The following METTL8 variants were observed in gnomAD, a reference collection of about 807,000 sequenced individuals.
METTL8 encodes the protein tRNA N(3)-cytidine methyltransferase METTL8, mitochondrial.
A neutral mutation model predicts 48.7 loss-of-function variants in METTL8; 32 were observed. The ratio of observed to expected loss-of-function variants is 0.66; its 90% CI spans 0.50 to 0.88. The LOEUF (loss-of-function observed/expected upper bound fraction) is 0.88, where lower values mean the gene tolerates loss of function less well. METTL8 is among the 40% of genes least tolerant of loss of function. The pLI, the probability that METTL8 is intolerant of heterozygous loss-of-function variation, is 0.00. For synonymous variants in METTL8, 136 were observed against 157.1 expected (o/e 0.87, Z 1.01); for missense variants, 464 against 474.4 (o/e 0.98, Z 0.20).
At chr2:171,366,424 C>T (rs1223656669) in intron 2 of METTL8, among the ~76,000 whole-genome samples, 11 of 152,132 alleles carry the variant, frequency 7.2e-5, no homozygotes, top group Admixed American at 7.2e-4. Flanking sequence ...AACTCGACAT[C>T]TTTAAAGGAA....
intron 3 of METTL8, among the ~76,000 whole-genome samples, chr2:171,340,495 T>A: frequency 9.2e-6 from 1 of 108,234 alleles, no homozygotes. Context: ...GAGTGAGTTG[T>A]CTCAAAAAAA....
chr2:171,388,154 A>G (rs1688254190), intron 2 of METTL8, among the ~76,000 whole-genome samples: 1 of 152,174 alleles, frequency 6.6e-6, no homozygotes, highest in Admixed American at 6.5e-5. Context: ...TTCAGAGTCA[A>G]CTTCTTCCTT....
intron 1 of METTL8, among the ~76,000 whole-genome samples, chr2:171,425,472 C>T (rs923836817): frequency 6.6e-6 from 1 of 152,138 alleles, no homozygotes; most frequent in Admixed American, 6.5e-5. Context: ...AGACATTCTC[C>T]TATTTGCTTT....
chr2:171,434,347 G>A (rs1397609075), upstream of METTL8: 11 of 754,870 alleles, frequency 1.5e-5, no homozygotes, highest in Non-Finnish European at 2.5e-5. Flanking sequence ...GGGGCAGATC[G>A]AAAAGGGAGT....
chr2:171,368,134 C>G (rs1685910669), intron 2 of METTL8, among the ~76,000 whole-genome samples: 1 of 152,140 alleles, frequency 6.6e-6, no homozygotes, highest in Non-Finnish European at 1.5e-5. Context: ...AAAAAATTTT[C>G]AATTTTGCTG....
chr2:171,316,353 G>T lies in METTL8; in HGVS notation c.*7819C>A, dbSNP rs1207423690. Among the ~76,000 whole-genome samples, 1 of 152,176 alleles carries T rather than the reference G, an allele frequency of 6.6e-6. No individual in the cohort carries two copies. The highest frequency in any genetic ancestry group is 1.5e-5 in the Non-Finnish European group (1 of 68,042). The stretch of plus-strand genomic sequence containing the variant: ...GGAAATGAGCAGCAGTGCTGAATGG[G>T]GAAGCCTGGATCCATGGTTTTTTCC... On this transcript the variant is annotated 3_prime_UTR_variant, in exon 10 of 10. Transcript: ENST00000375258.
rs1032404231 is a variant in METTL8 at position 171,387,843 on chromosome 2, G to A, written c.143+4200C>T. On this transcript the variant is annotated intron_variant, in intron 2 of 9. Transcript: ENST00000375258. ...TCCCTTTCAAAATTGAGATTCGGTT[G>A]CAATAAAAACATAAAAAGCCCATGA... 2.0e-5 allele frequency among the ~76,000 whole-genome samples: 3 copies of A among 152,060 alleles called. No individual in the cohort carries two copies. The East Asian group carries it at 5.8e-4, about 29-fold the overall frequency.
chr2:171,382,482 C>G (rs1687648217), intron 2 of METTL8, among the ~76,000 whole-genome samples: 1 of 152,144 alleles, frequency 6.6e-6, no homozygotes, highest in Admixed American at 6.5e-5. Context: ...CATGTTCTCA[C>G]TCATAAGTAG....
At chr2:171,346,276 C>T (rs1016655588) in intron 3 of METTL8, among the ~76,000 whole-genome samples, 2 of 152,208 alleles carry the variant, frequency 1.3e-5, no homozygotes, top group Non-Finnish European at 2.9e-5. Flanking sequence ...ATCCTTCCAC[C>T]TTGGCCTCCC....
chr2:171,351,991 A>G (rs1466747419), intron 3 of METTL8, among the ~76,000 whole-genome samples: 1 of 152,154 alleles, frequency 6.6e-6, no homozygotes, highest in East Asian at 1.9e-4. Context: ...AACTTCCAAC[A>G]CTATGTTGAG....
In METTL8 at chr2:171,331,826, G is replaced by A. The variant is rs1685566229; in HGVS notation, c.698C>T (p.Ser233Phe). The change falls in exon 6 of 10, where the codon TCT becomes TTT. Residue 233 changes from serine to phenylalanine, a missense_variant. Ser to Phe is a radical substitution (Grantham distance 155). Transcript: ENST00000375258. ...TACCTTTACGAGCTCCACAGCTCCA[G>A]AAGCAAAATCACAACAATACAGAAA... ...ESFLYCCDFA[S>F]GAVELVKSHS... 1.2e-6 allele frequency: 2 copies of A among 1,604,862 alleles called. No homozygotes were observed. Among genetic ancestry groups the A allele is most frequent in the Middle Eastern group, 1.7e-4 (1 of 6,052 alleles).
intron 1 of METTL8, among the ~76,000 whole-genome samples, chr2:171,396,359 T>A (rs1689066368): frequency 6.6e-6 from 1 of 152,176 alleles, no homozygotes; most frequent in African/African-American, 2.4e-5. Context: ...TATTAAATGT[T>A]AATATTTTGA....
chr2:171,350,513 T>C (rs1029708093), intron 3 of METTL8, among the ~76,000 whole-genome samples: 7 of 152,240 alleles, frequency 4.6e-5, no homozygotes, highest in African/African-American at 1.7e-4. Flanking sequence ...ATATTTCTAG[T>C]TCTAGATCCT....
At chr2:171,352,651 T>C (rs1328744341) in intron 3 of METTL8, among the ~76,000 whole-genome samples, 2 of 152,204 alleles carry the variant, frequency 1.3e-5, no homozygotes, top group African/African-American at 2.4e-5. Context: ...TCAGAACCTG[T>C]TATTGGTCTA....
intron 1 of METTL8, among the ~76,000 whole-genome samples, chr2:171,422,865 A>G (rs897817056): frequency 6.6e-6 from 1 of 152,248 alleles, no homozygotes; most frequent in Non-Finnish European, 1.5e-5. Flanking sequence ...AGAAATTGCT[A>G]TAACAACATA....
At chr2:171,377,105 C>G (rs906443145) in intron 2 of METTL8, among the ~76,000 whole-genome samples, 16 of 152,138 alleles carry the variant, frequency 1.1e-4, no homozygotes, top group African/African-American at 3.9e-4. Context: ...AAAGGATACT[C>G]TATTCAATAA....
intron 2 of METTL8, among the ~76,000 whole-genome samples, chr2:171,375,548 C>T (rs868100862): frequency 1.3e-5 from 2 of 152,146 alleles, no homozygotes; most frequent in Admixed American, 6.6e-5. Flanking sequence ...TTCATTTGCA[C>T]GTTTCTAATG....
chr2:171,417,470 GCACA>G lies in METTL8; in HGVS notation c.-13+16409_-13+16412del, dbSNP rs143043774. ...AGGCACTACTCCAAGTCATACACAT[GCACA>G]CACACACAAATTCATTTAGTCCTCC... On this transcript the variant is annotated intron_variant, in intron 1 of 9. Transcript: ENST00000375258. 4.8e-3 allele frequency among the ~76,000 whole-genome samples: 735 copies of G among 152,220 alleles called. 3 individuals are homozygous for G. Among genetic ancestry groups the G allele is most frequent in the African/African-American group, 0.017 (705 of 41,538 alleles).
intron 3 of METTL8, among the ~76,000 whole-genome samples, chr2:171,359,249 T>C (rs1052154762): frequency 6.6e-6 from 1 of 150,744 alleles, no homozygotes; most frequent in Non-Finnish European, 1.5e-5. Flanking sequence ...CCAACAGCTA[T>C]ACGAAAAAAT....
Sources: allele counts gnomAD v4.1 joint callset (sites outside exome capture counted in the v4.1 genomes callset), GRCh38; gene constraint gnomAD v4.1.1; transcripts MANE v1.5; gene names NCBI Gene and HGNC (gene_info 2026-07-23, HGNC 2026-07-21).